ANO3: variants seen among roughly 807,000 people sequenced by gnomAD.
The protein encoded by ANO3 is anoctamin 3.
In ANO3, 99 loss-of-function variants were observed where a neutral mutation model predicts 144.8. That is an observed-to-expected ratio of 0.68 (90% CI 0.58 to 0.81). The LOEUF (loss-of-function observed/expected upper bound fraction) is 0.81, where lower values mean the gene tolerates loss of function less well. Among genes scored for constraint, ANO3 ranks in the 30% least tolerant of loss-of-function variants. The probability of loss-of-function intolerance (pLI) is 0.00; values close to 1 mark genes in which losing one functional copy is unlikely to be tolerated. For synonymous variants in ANO3, 414 were observed against 392.6 expected, an observed-to-expected ratio of 1.05 and a Z score of -0.64; for missense variants, 905 against 1,202.2, an observed-to-expected ratio of 0.75 and a Z score of 3.66.
intron 5 of ANO3, among the ~76,000 whole-genome samples, chr11:26,514,457 C>G (rs1452933247): frequency 6.6e-6 from 1 of 152,062 alleles, no homozygotes; most frequent in Non-Finnish European, 1.5e-5. Flanking sequence ...AGATAATTTT[C>G]TTCATTTTCC....
rs562685498 is a variant in ANO3 at position 26,463,234 on chromosome 11, G to T, written c.432+86G>T. On this transcript the variant is annotated intron_variant, in intron 4 of 26. Transcript: ENST00000256737. ...TATTCATCTACATATTTGGTTTTCT[G>T]CTGGAGAATATAAAAGAATATACAT... 5.7e-5 allele frequency: 39 copies of T among 680,602 alleles called. No individual in the cohort carries two copies. The East Asian group carries it at 1.1e-3, about 19-fold the overall frequency. 42.2% of individuals were successfully genotyped at this position (680,602 alleles called of 1,614,324 possible). A position where few individuals can be genotyped will look rare whatever the true frequency, so the allele number is the denominator to read the frequency against.
At chr11:26,375,156 A>G (rs1426875353) in intron 1 of ANO3, among the ~76,000 whole-genome samples, 1 of 152,192 alleles carries the variant, frequency 6.6e-6, no homozygotes, top group Non-Finnish European at 1.5e-5. Context: ...GATGGGTGAC[A>G]GTGACAGATC....
intron 23 of ANO3, among the ~76,000 whole-genome samples, chr11:26,644,334 G>T (rs1853269975): frequency 6.6e-6 from 1 of 152,090 alleles, no homozygotes; most frequent in South Asian, 2.1e-4. Context: ...AAATTTCTAT[G>T]ATATGTATAT....
At chr11:26,302,093 T>A (rs1190678579) in intron 1 of ANO3, among the ~76,000 whole-genome samples, 1 of 152,262 alleles carries the variant, frequency 6.6e-6, no homozygotes, top group African/African-American at 2.4e-5. Context: ...CATCATGTGC[T>A]GTCTGTCTCA....
At chr11:26,336,309 C>T (rs1194422720) in intron 1 of ANO3, among the ~76,000 whole-genome samples, 1 of 152,170 alleles carries the variant, frequency 6.6e-6, no homozygotes, top group African/African-American at 2.4e-5. Flanking sequence ...TCAAATCAAA[C>T]ACAGCCTGTC....
intron 1 of ANO3, among the ~76,000 whole-genome samples, chr11:26,215,060 A>G (rs1226782121): frequency 2.0e-5 from 3 of 151,986 alleles, no homozygotes; most frequent in African/African-American, 4.8e-5. Context: ...TACTATCAAC[A>G]TGACTTATAA....
At chr11:26,565,388 G>A (rs777574550) in intron 14 of ANO3, 12 of 1,612,986 alleles carry the variant, frequency 7.4e-6, no homozygotes, top group East Asian at 2.2e-5. Context: ...GAGTTTTCAC[G>A]GTGTCATTGA....
In ANO3 at chr11:26,332,274, A is replaced by C. The variant is rs1855069892; in HGVS notation, c.-2A>C. 2.5e-6 allele frequency: 4 copies of C among 1,613,910 alleles called. No homozygotes were observed. Among genetic ancestry groups the C allele is most frequent in the Non-Finnish European group, 3.4e-6 (4 of 1,179,970 alleles). ...AAGCCGGCTGGGACGCGCAGAGTGA[A>C]AATGGTCCACCATTCAGGCTCCATT... On this transcript the variant is annotated 5_prime_UTR_variant, in exon 1 of 27. Coordinates refer to ENST00000256737, the MANE Select transcript of ANO3 (RefSeq NM_031418.4).
Position 26,262,739 on chromosome 11 carries a change from C to CACACACACACACACACACAG in ANO3, c.155-46905_155-46904insCACACACACACACACACAGA, listed in dbSNP as rs1177111571. 1.5e-4 allele frequency among the ~76,000 whole-genome samples: 22 copies of CACACACACACACACACACAG among 148,782 alleles called. No homozygotes were observed. In the East Asian group the frequency reaches 1.6e-3, roughly 11 times the overall value. On this transcript the variant is annotated intron_variant, in intron 1 of 27. Transcript: ENST00000672621. ...TAGTAAACACACACACACACACACACAGAGAGAGAGAGAGAGAGAGATTCT... is the reference window on the plus strand; with the variant it reads ...TAGTAAACACACACACACACACACACACACACACACACACACACAGAGAGAGAGAGAGAGAGAGAGATTCT...
chr11:26,573,041 G>C (rs2134294943), intron 14 of ANO3, among the ~76,000 whole-genome samples: 1 of 152,278 alleles, frequency 6.6e-6, no homozygotes, highest in South Asian at 2.1e-4. Flanking sequence ...GAGTGAAACT[G>C]GGATCTTCCG....
At chr11:26,538,736 C>T (rs973027822) in intron 10 of ANO3, among the ~76,000 whole-genome samples, 2 of 152,008 alleles carry the variant, frequency 1.3e-5, no homozygotes, top group African/African-American at 4.8e-5. Flanking sequence ...CCCACATGTG[C>T]TTGTAATTTG....
Position 26,255,700 on chromosome 11 carries a change from A to G in ANO3, c.155-53945A>G, listed in dbSNP as rs562930832. On this transcript the variant is annotated intron_variant, in intron 1 of 27. Transcript: ENST00000672621. Reference sequence around the variant, plus strand: ...GTAGACTAGTGACTCTGATTAATTGATAAGTAGGAACTTCCTAGAGCCAAC... The same window carrying G: ...GTAGACTAGTGACTCTGATTAATTGGTAAGTAGGAACTTCCTAGAGCCAAC... Among the ~76,000 whole-genome samples, 12 of 152,226 alleles carry G rather than the reference A, an allele frequency of 7.9e-5. No individual in the cohort carries two copies. In the South Asian group the frequency reaches 2.5e-3, roughly 32 times the overall value.
chr11:26,539,972 G>C (rs920885436), intron 10 of ANO3, among the ~76,000 whole-genome samples: 3 of 151,988 alleles, frequency 2.0e-5, no homozygotes, highest in Non-Finnish European at 2.9e-5. Context: ...GAAAGACTTT[G>C]TCATGTCTTG....
At chr11:26,454,324 C>G (rs1454269259) in intron 3 of ANO3, among the ~76,000 whole-genome samples, 1 of 151,886 alleles carries the variant, frequency 6.6e-6, no homozygotes, top group African/African-American at 2.4e-5. Flanking sequence ...ATTGATAGAC[C>G]ACTAGCAAGA....
chr11:26,476,523 G>A (rs1859976704), intron 4 of ANO3, among the ~76,000 whole-genome samples: 1 of 152,082 alleles, frequency 6.6e-6, no homozygotes, highest in Non-Finnish European at 1.5e-5. Flanking sequence ...GAGGAGAGGT[G>A]AGAGAGAGGT....
chr11:26,520,369 A>C (rs1356639744), intron 6 of ANO3, among the ~76,000 whole-genome samples: 1 of 152,218 alleles, frequency 6.6e-6, no homozygotes, highest in Non-Finnish European at 1.5e-5. Context: ...CAAGGAAAAA[A>C]TGAAAAAGGG....
chr11:26,572,147 A>G (rs1590567296), intron 14 of ANO3: 16 of 985,108 alleles, frequency 1.6e-5, no homozygotes, highest in African/African-American at 1.2e-4. Flanking sequence ...AAGTGTGACA[A>G]TGTCGCACTG....
At chr11:26,535,690 C>T (rs971235427) in intron 9 of ANO3, among the ~76,000 whole-genome samples, 36 of 147,014 alleles carry the variant, frequency 2.4e-4, no homozygotes, top group African/African-American at 9.1e-4. Context: ...TCACACCATT[C>T]TCCTGCCTCA....
chr11:26,498,679 A>G (rs929767622), intron 4 of ANO3, among the ~76,000 whole-genome samples: 6 of 151,786 alleles, frequency 4.0e-5, no homozygotes, highest in Admixed American at 3.9e-4. Flanking sequence ...GGTTTAGAAT[A>G]AATTATTACA....
Sources: allele counts gnomAD v4.1 joint callset (sites outside exome capture counted in the v4.1 genomes callset), GRCh38; gene constraint gnomAD v4.1.1; transcripts MANE v1.5; gene names NCBI Gene and HGNC (gene_info 2026-07-23, HGNC 2026-07-21).